TMEM40: variants seen among roughly 807,000 people sequenced by gnomAD.
TMEM40 encodes the protein transmembrane protein 40.
Under a neutral mutation model 40.8 loss-of-function variants are expected in TMEM40, and 34 were observed. The ratio of observed to expected loss-of-function variants is 0.83; its 90% CI spans 0.63 to 1.11. The LOEUF is 1.11. Among genes scored for constraint, TMEM40 ranks in the 50% least tolerant of loss-of-function variants. TMEM40 has a pLI of 0.00. For missense variants in TMEM40, 296 were observed against 280.2 expected (o/e 1.06, Z -0.40); for synonymous variants, 106 against 107.0 (o/e 0.99, Z 0.06).
In TMEM40 at chr3:12,748,785, C is replaced by G; in HGVS notation, c.81G>C (p.Glu27Asp). The part of the protein sequence containing the change: ...HRETEDVDYG[E>D]TDFHKQDGKA... ...TCCCATCTTGCTTGTGGAAATCTGT[C>G]TCTCCATCTACAAGGCACACAGAGG... is the stretch of plus-strand genomic sequence containing the variant. Residue 27 changes from glutamate (E) to aspartate (D), a missense_variant, in exon 3 of 12, where the codon GAG becomes GAC. Glu to Asp is a conservative substitution (Grantham distance 45, BLOSUM62 2). Transcript: ENST00000314124. 1 of 1,614,018 alleles carries G rather than the reference C, an allele frequency of 6.2e-7. No individual in the cohort carries two copies. Among genetic ancestry groups the G allele is most frequent in the Non-Finnish European group, 8.5e-7 (1 of 1,179,952 alleles).
At chr3:12,757,704 G>A (rs77514830) in intron 1 of TMEM40, among the ~76,000 whole-genome samples, 15,402 of 152,160 alleles carry the variant, frequency 0.1, 802 homozygotes, top group African/African-American at 0.13. Context: ...GGTTAAAAAA[G>A]ATTTACTACA....
rs553523493 is a variant in TMEM40 at position 12,766,455 on chromosome 3, C to T, written c.-9+2796G>A. Among the ~76,000 whole-genome samples the T allele has an allele frequency of 2.0e-5, 3 of 151,922 alleles. No individual in the cohort carries two copies. In the East Asian group the frequency reaches 5.9e-4, roughly 30 times the overall value. On this transcript the variant is annotated intron_variant, in intron 1 of 11. Transcript: ENST00000264728. Reference sequence around the variant, plus strand: ...CTAAAAATACAGAAAATTAGCCAGGCGTGGTGGCAGGTGCCTGTAGTCCCA... The same window carrying T: ...CTAAAAATACAGAAAATTAGCCAGGTGTGGTGGCAGGTGCCTGTAGTCCCA...
rs761231202 is a variant in TMEM40, at chr3:12,737,774, T to C, written c.425-20A>G. The stretch of plus-strand genomic sequence containing the variant: ...CTTCTCCTTAAGAACAAGAGAGAGA[T>C]GAATATTTAACTTTGATGCAGGACG... On this transcript the variant is annotated intron_variant, in intron 7 of 11. Coordinates refer to ENST00000314124, the MANE Select transcript of TMEM40 (RefSeq NM_018306.4). 2 of 1,611,808 alleles carry C rather than the reference T, an allele frequency of 1.2e-6. No individual in the cohort carries two copies. Among genetic ancestry groups the C allele is most frequent in the African/African-American group, 1.3e-5 (1 of 74,882 alleles).
chr3:12,758,987 A>G (rs1447011551), intron 1 of TMEM40, among the ~76,000 whole-genome samples: 1 of 152,174 alleles, frequency 6.6e-6, no homozygotes, highest in African/African-American at 2.4e-5. Context: ...AAACCTCAAC[A>G]CAACCCAGGA....
chr3:12,737,849 T>C (rs2061349233), intron 7 of TMEM40, 95 bp from the exon 8 acceptor site: 1 of 1,295,824 alleles, frequency 7.7e-7, no homozygotes, highest in Admixed American at 1.7e-5. Flanking sequence ...ATATCCTGGG[T>C]ATATCTTCCT....
Position 12,735,602 on chromosome 3 carries a change from C to T in TMEM40, c.635G>A (p.Ser212Asn). Reference protein sequence around the residue: ...IYFGLVYRIHSVLQGFIPLFQ... With the variant: ...IYFGLVYRIHNVLQGFIPLFQ... The stretch of plus-strand genomic sequence containing the variant: ...GAGGGGGATGAAGCCTTGGAGGACG[C>T]TGTGGATACGGTACACTGCTCAGAA... Residue 212 changes from serine to asparagine, a missense_variant, in exon 11 of 12, where the codon AGC becomes AAC. Transcript: ENST00000314124. 2 of 1,613,530 alleles carry T rather than the reference C, an allele frequency of 1.2e-6. No homozygotes were observed. Among genetic ancestry groups the T allele is most frequent in the South Asian group, 1.1e-5 (1 of 91,016 alleles).
chr3:12,757,364 G>C (rs1167630695), intron 1 of TMEM40, among the ~76,000 whole-genome samples: 3 of 151,872 alleles, frequency 2.0e-5, no homozygotes, highest in Non-Finnish European at 4.4e-5. Context: ...AGCTACTCGG[G>C]AGGCTGAGGC....
In TMEM40 at chr3:12,748,698, A is replaced by G; in HGVS notation, c.168T>C (p.Ser56=). 1.2e-6 allele frequency: 2 copies of G among 1,612,756 alleles called. No individual in the cohort carries two copies. The highest frequency in any genetic ancestry group is 1.7e-6 in the Non-Finnish European group (2 of 1,178,968). ...ERNKSSSSSS[S]SSSSSSSSSS... ...AAGAAGATGAGGAGGATGAGGAGGA[A>G]GAGGAGGAGGAGGAAGAAGACTTGT... The change falls in exon 3 of 12, where the codon TCT becomes TCC. Residue 56 remains serine (S), a synonymous_variant. Transcript: ENST00000314124.
chr3:12,758,420 T>C (rs944726732), intron 1 of TMEM40, among the ~76,000 whole-genome samples: 1 of 152,004 alleles, frequency 6.6e-6, no homozygotes, highest in African/African-American at 2.4e-5. Context: ...GAAACTAGGT[T>C]GGCTTGAGGC....
intron 3 of TMEM40, among the ~76,000 whole-genome samples, chr3:12,744,821 T>G (rs2061414258): frequency 6.6e-6 from 1 of 152,084 alleles, no homozygotes; most frequent in African/African-American, 2.4e-5. Flanking sequence ...GGAAACCAAA[T>G]TAATTGTGTT....
At chr3:12,747,373 C>T (rs2061437411) in intron 3 of TMEM40, among the ~76,000 whole-genome samples, 1 of 152,158 alleles carries the variant, frequency 6.6e-6, no homozygotes, top group African/African-American at 2.4e-5. Flanking sequence ...CAGTTGCCCT[C>T]TCTGTGCCTC....
chr3:12,743,778 A>G, intron 4 of TMEM40, 122 bp downstream of exon 4: 1 of 889,508 alleles, frequency 1.1e-6, no homozygotes, highest in South Asian at 1.9e-5. Context: ...TGCTGCTGTC[A>G]GGCTATTTCC....
chr3:12,734,756 G>A lies in TMEM40; in HGVS notation c.*18C>T. ...GGTCACACTGGGGCCTGCCTCTGCT[G>A]CCCACCTGGAAGTGGCCTCAGTCAG... is the stretch of plus-strand genomic sequence containing the variant. On this transcript the variant is annotated 3_prime_UTR_variant, in exon 12 of 12. Transcript: ENST00000314124. 1 of 1,591,414 alleles carries A rather than the reference G, an allele frequency of 6.3e-7. No homozygotes were observed. Among genetic ancestry groups the A allele is most frequent in the Non-Finnish European group, 8.5e-7 (1 of 1,169,818 alleles).
intron 3 of TMEM40, among the ~76,000 whole-genome samples, chr3:12,747,237 T>A (rs1371082994): frequency 6.6e-6 from 1 of 151,952 alleles, no homozygotes; most frequent in South Asian, 2.1e-4. Flanking sequence ...AATAAAGTCT[T>A]AAGCTCAAGC....
chr3:12,734,647 T>C lies in TMEM40; in HGVS notation c.*127A>G, dbSNP rs1024774414. 2 of 1,095,290 alleles carry C rather than the reference T, an allele frequency of 1.8e-6. No individual in the cohort carries two copies. The highest frequency in any genetic ancestry group is 2.6e-6 in the Non-Finnish European group (2 of 755,242). 67.8% of individuals were successfully genotyped at this position (1,095,290 alleles called of 1,614,324 possible). A position where few individuals can be genotyped will look rare whatever the true frequency, so the allele number is the denominator to read the frequency against. On this transcript the variant is annotated 3_prime_UTR_variant, in exon 12 of 12. Transcript: ENST00000314124. ...CATTCAGACCACATGGAAGGAAAAG[T>C]GTTCTGTTTATTGGTCTGGCTTGGT... is the stretch of plus-strand genomic sequence containing the variant.
chr3:12,760,390 C>A (rs1052860012), upstream of TMEM40, among the ~76,000 whole-genome samples: 2 of 152,128 alleles, frequency 1.3e-5, no homozygotes, highest in Non-Finnish European at 2.9e-5. Flanking sequence ...GACCTTGGTT[C>A]CCATGACTTC....
intron 1 of TMEM40, among the ~76,000 whole-genome samples, chr3:12,751,470 T>A (rs61088580): frequency 6.6e-6 from 1 of 151,496 alleles, no homozygotes; most frequent in Non-Finnish European, 1.5e-5. Flanking sequence ...AGTAGAGACG[T>A]GGTTTCACCA....
At chr3:12,739,310 A>T (rs1222469880) in intron 5 of TMEM40, 1 of 151,926 alleles carries the variant, frequency 6.6e-6, no homozygotes, top group East Asian at 1.9e-4. Context: ...TTTGAGACAG[A>T]GTCTTGCTCT....
chr3:12,764,438 C>G (rs903218746), intron 1 of TMEM40, among the ~76,000 whole-genome samples: 8 of 152,230 alleles, frequency 5.3e-5, no homozygotes, highest in African/African-American at 1.9e-4. Flanking sequence ...ACCTGGGTCT[C>G]TTTCTATGCC....
Sources: allele counts gnomAD v4.1 joint callset (sites outside exome capture counted in the v4.1 genomes callset), GRCh38; gene constraint gnomAD v4.1.1; transcripts MANE v1.5; gene names NCBI Gene and HGNC (gene_info 2026-07-23, HGNC 2026-07-21).